Variants in DOCK10 observed in about 807,000 individuals in gnomAD.
DOCK10 encodes dedicator of cytokinesis 10.
In DOCK10, 145 loss-of-function variants were observed where a neutral mutation model predicts 280.1. The ratio of observed to expected loss-of-function variants is 0.52; its 90% CI spans 0.45 to 0.59. The LOEUF is 0.59. Ranked by LOEUF, DOCK10 falls within the 20% of genes least tolerant of loss-of-function variation. The pLI, the probability that DOCK10 is intolerant of heterozygous loss-of-function variation, is 0.00. For missense variants in DOCK10, 2,368 were observed against 2,651.7 expected (o/e 0.89, Z 2.35); for synonymous variants, 915 against 942.2 (o/e 0.97, Z 0.53).
intron 1 of DOCK10, among the ~76,000 whole-genome samples, chr2:225,034,630 A>C (rs147343731): frequency 6.6e-6 from 1 of 152,348 alleles, no homozygotes; most frequent in African/African-American, 2.4e-5. Flanking sequence ...TGCACTAAGA[A>C]GAGGGACTCC....
Position 224,844,755 on chromosome 2 carries a change from G to C in DOCK10, c.2566C>G (p.Gln856Glu), listed in dbSNP as rs751566104. 1 of 1,584,604 alleles carries C rather than the reference G, an allele frequency of 6.3e-7. No individual in the cohort carries two copies. The highest frequency in any genetic ancestry group is 8.6e-7 in the Non-Finnish European group (1 of 1,161,920). ...GTATTTCAGGTCAACATACTCACCTGAGTATTTACTGTTGATACAACAAAT... is the reference window on the plus strand; with the variant it reads ...GTATTTCAGGTCAACATACTCACCTCAGTATTTACTGTTGATACAACAAAT... ...STFVVSTVNTQDPHVNAFFQE... is the reference protein window; with the variant it reads ...STFVVSTVNTEDPHVNAFFQE... The change falls in exon 22 of 56, where the codon CAG becomes GAG. Residue 856 changes from glutamine to glutamate, a missense_variant and splice_region_variant. Physicochemically the swap from Gln to Glu is conservative, Grantham distance 29. Coordinates refer to ENST00000258390, the MANE Select transcript of DOCK10 (RefSeq NM_014689.3).
At chr2:224,876,450 A>C (rs1698634023) in intron 7 of DOCK10, among the ~76,000 whole-genome samples, 1 of 152,128 alleles carries the variant, frequency 6.6e-6, no homozygotes, top group African/African-American at 2.4e-5. Flanking sequence ...TGTTGATTGG[A>C]TGGACACGTT....
At chr2:224,824,493 A>G (rs1694718475) in intron 27 of DOCK10, among the ~76,000 whole-genome samples, 1 of 135,390 alleles carries the variant, frequency 7.4e-6, no homozygotes, top group South Asian at 2.3e-4. Flanking sequence ...TTGGAGTGCA[A>G]TGGTGTGATC....
At chr2:224,945,328 G>A (rs1334782922) in intron 1 of DOCK10, among the ~76,000 whole-genome samples, 1 of 152,190 alleles carries the variant, frequency 6.6e-6, no homozygotes, top group Non-Finnish European at 1.5e-5. Flanking sequence ...CCAGTGGGGA[G>A]GAAGTGGTTA....
chr2:224,787,955 T>G (rs780684346), intron 48 of DOCK10, among the ~76,000 whole-genome samples: 1 of 152,146 alleles, frequency 6.6e-6, no homozygotes, highest in East Asian at 1.9e-4. Context: ...CCCTCTGACC[T>G]CCATACTTTT....
chr2:224,872,432 T>A (rs937740446), intron 11 of DOCK10, among the ~76,000 whole-genome samples: 11 of 152,136 alleles, frequency 7.2e-5, no homozygotes, highest in Admixed American at 2.0e-4. Context: ...AACTTGTGAG[T>A]TGGAGAGCCA....
intron 1 of DOCK10, among the ~76,000 whole-genome samples, chr2:224,946,354 T>C (rs1387680222): frequency 6.6e-6 from 1 of 152,204 alleles, no homozygotes; most frequent in African/African-American, 2.4e-5. Flanking sequence ...TTGGCTCTAT[T>C]AATCAAATGC....
chr2:224,996,424 G>A (rs1488560161), intron 1 of DOCK10, among the ~76,000 whole-genome samples: 1 of 152,224 alleles, frequency 6.6e-6, no homozygotes, highest in African/African-American at 2.4e-5. Context: ...ATGGAGAAGA[G>A]ACTTAACTTC....
At chr2:225,015,749 C>A (rs1342891387) in intron 1 of DOCK10, among the ~76,000 whole-genome samples, 1 of 152,116 alleles carries the variant, frequency 6.6e-6, no homozygotes, top group East Asian at 1.9e-4. Context: ...CTTCAGTGCT[C>A]CTTATGGCTT....
At chr2:224,785,386 A>G (rs1481563869) in intron 50 of DOCK10, among the ~76,000 whole-genome samples, 1 of 152,142 alleles carries the variant, frequency 6.6e-6, no homozygotes, top group African/African-American at 2.4e-5. Context: ...GTGTCCTGAG[A>G]AAAATCCCGG....
At chr2:224,947,720 T>C (rs903214969) in intron 1 of DOCK10, among the ~76,000 whole-genome samples, 1 of 152,154 alleles carries the variant, frequency 6.6e-6, no homozygotes, top group African/African-American at 2.4e-5. Context: ...CCAGATGCTC[T>C]TTCCTGTTTT....
intron 47 of DOCK10, among the ~76,000 whole-genome samples, chr2:224,792,773 A>T (rs1692288990): frequency 6.6e-6 from 1 of 152,214 alleles, no homozygotes; most frequent in South Asian, 2.1e-4. Context: ...TTTGCTGACA[A>T]CTTTTCAGTT....
Position 224,854,980 on chromosome 2 carries a change from A to G in DOCK10, c.1871T>C (p.Val624Ala), listed in dbSNP as rs779262042. The G allele has an allele frequency of 6.3e-7, 1 of 1,599,514 alleles. No homozygotes were observed. Among genetic ancestry groups the G allele is most frequent in the Non-Finnish European group, 8.5e-7 (1 of 1,171,564 alleles). ...PGSLDIAVDN[V>A]PLEHPNCVTS... Reference sequence around the variant, plus strand: ...CATCATACTTGGATGCTCCAAGGGAACGTTGTCAACAGCAATATCCAGGCT... The same window carrying G: ...CATCATACTTGGATGCTCCAAGGGAGCGTTGTCAACAGCAATATCCAGGCT... Residue 624 changes from valine to alanine, a missense_variant, in exon 16 of 56, where the codon GTT becomes GCT. Physicochemically the swap from Val to Ala is moderately conservative, Grantham distance 64 (BLOSUM62 0). This residue lies in a region of DOCK10 where 1,209 missense variants were observed against 1,250.9 expected (regional missense o/e 0.97). Coordinates refer to ENST00000258390, the MANE Select transcript of DOCK10 (RefSeq NM_014689.3).
At chr2:224,846,655 C>T (rs1245608811) in intron 19 of DOCK10, among the ~76,000 whole-genome samples, 1 of 152,094 alleles carries the variant, frequency 6.6e-6, no homozygotes, top group Non-Finnish European at 1.5e-5. Flanking sequence ...CGCCACCACA[C>T]CTAGATAATT....
chr2:225,014,225 T>C (rs181757541), intron 1 of DOCK10, among the ~76,000 whole-genome samples: 115 of 151,896 alleles, frequency 7.6e-4, no homozygotes, highest in Middle Eastern at 6.8e-3. Context: ...TTTGATGATA[T>C]CATCTGTTTT....
chr2:224,905,191 T>C (rs1700526963), intron 3 of DOCK10, among the ~76,000 whole-genome samples: 1 of 152,174 alleles, frequency 6.6e-6, no homozygotes, highest in Non-Finnish European at 1.5e-5. Flanking sequence ...TTAAGCAGTA[T>C]TTTGGTACAC....
At chr2:224,859,913 C>T (rs529551485) in intron 14 of DOCK10, among the ~76,000 whole-genome samples, 1 of 152,310 alleles carries the variant, frequency 6.6e-6, no homozygotes, top group East Asian at 1.9e-4. Flanking sequence ...AAATCTTTGG[C>T]TGGATCTTTT....
intron 1 of DOCK10, among the ~76,000 whole-genome samples, chr2:225,038,301 C>T (rs1200915033): frequency 6.6e-6 from 1 of 151,888 alleles, no homozygotes; most frequent in Non-Finnish European, 1.5e-5. Flanking sequence ...CCCTCCTACT[C>T]TCAACTCTTG....
At chr2:224,885,926 A>G in intron 6 of DOCK10, 121 bp from the exon 7 acceptor site, 1 of 1,496,960 alleles carries the variant, frequency 6.7e-7, no homozygotes, top group East Asian at 2.3e-5. Context: ...TCTAGAGAAG[A>G]GCATCCTACT....
Sources: gnomAD v4.1 joint callset for allele counts (sites outside exome capture counted in the v4.1 genomes callset) on GRCh38, gnomAD v4.1.1 for gene constraint, gnomAD v4.1.1 regional missense constraint, MANE v1.5 for transcripts, NCBI Gene and HGNC (gene_info 2026-07-23, HGNC 2026-07-21) for gene names.